ME1: variants seen among roughly 807,000 people sequenced by gnomAD.
ME1 encodes malic enzyme 1.
Under a neutral mutation model 66.4 loss-of-function variants are expected in ME1, and 74 were observed. That is an observed-to-expected ratio of 1.11 (90% CI 0.92 to 1.35). ME1 has a LOEUF of 1.35. Ranked by LOEUF, ME1 falls within the 40% of genes most tolerant of loss-of-function variation. ME1 has a pLI of 0.00. For synonymous variants in ME1, 251 were observed against 235.6 expected, an observed-to-expected ratio of 1.07 and a Z score of -0.60; for missense variants, 750 against 694.1, an observed-to-expected ratio of 1.08 and a Z score of -0.90.
chr6:83,237,594 G>A, intron 9 of ME1, 123 bp downstream of exon 9: 1 of 522,180 alleles, frequency 1.9e-6, no homozygotes. Flanking sequence ...ATGATCATTT[G>A]TATTTAATGG....
chr6:83,227,035 G>C (rs572653414), intron 11 of ME1, among the ~76,000 whole-genome samples: 90 of 152,048 alleles, frequency 5.9e-4, no homozygotes, highest in African/African-American at 2.0e-3. Flanking sequence ...TAAGCCTCTA[G>C]AACCAAGCTG....
At chr6:83,424,945 G>A (rs1770340424) in intron 1 of ME1, among the ~76,000 whole-genome samples, 1 of 152,074 alleles carries the variant, frequency 6.6e-6, no homozygotes, top group Non-Finnish European at 1.5e-5. Flanking sequence ...ATGCCTAATA[G>A]TACAATGGAA....
chr6:83,233,193 A>C (rs2128524691), intron 9 of ME1, among the ~76,000 whole-genome samples: 1 of 152,206 alleles, frequency 6.6e-6, no homozygotes. Context: ...TTCCCTTTTC[A>C]TTCTCTTTTC....
At chr6:83,243,084 C>T (rs941437379) in intron 7 of ME1, among the ~76,000 whole-genome samples, 2 of 150,854 alleles carry the variant, frequency 1.3e-5, no homozygotes, top group Non-Finnish European at 2.9e-5. Context: ...ATAGAGATAC[C>T]CATCTCTACC....
Position 83,315,411 on chromosome 6 carries a change from C to A in ME1, c.603G>T (p.Glu201Asp). 6.4e-7 allele frequency: 1 copy of A among 1,553,902 alleles called. No individual in the cohort carries two copies. The highest frequency in any genetic ancestry group is 8.8e-7 in the Non-Finnish European group (1 of 1,138,356). Reference protein sequence around the residue: ...VILDVGTENEELLKDPLYIGL... With the variant: ...VILDVGTENEDLLKDPLYIGL... ...CAATGTAGAGTGGATCTTTAAGTAA[C>A]TCCTATTAAAAAAAGTTACCATAAA... Residue 201 changes from glutamate to aspartate, a missense_variant and splice_region_variant, in exon 6 of 14, where the codon GAG becomes GAT. Glu to Asp is a conservative substitution (Grantham distance 45, BLOSUM62 2). Coordinates refer to ENST00000369705, the MANE Select transcript of ME1 (RefSeq NM_002395.6).
chr6:83,277,211 T>C (rs760367741), intron 6 of ME1, among the ~76,000 whole-genome samples: 12 of 152,250 alleles, frequency 7.9e-5, no homozygotes, highest in Non-Finnish European at 1.3e-4. Flanking sequence ...ATCCATTATA[T>C]TGTCTTTTAT....
At chr6:83,302,236 G>A (rs767441059) in intron 6 of ME1, among the ~76,000 whole-genome samples, 8 of 152,080 alleles carry the variant, frequency 5.3e-5, no homozygotes, top group Non-Finnish European at 7.4e-5. Context: ...TCACTTATAA[G>A]TGAAACCTAA....
intron 5 of ME1, among the ~76,000 whole-genome samples, chr6:83,330,256 T>A (rs1768378622): frequency 6.6e-6 from 1 of 152,216 alleles, no homozygotes; most frequent in Non-Finnish European, 1.5e-5. Context: ...GAAAATTATT[T>A]TCTTTGTTAC....
intron 5 of ME1, among the ~76,000 whole-genome samples, chr6:83,316,959 TAAAA>T (rs369750867): frequency 6.9e-6 from 1 of 145,294 alleles, no homozygotes; most frequent in Non-Finnish European, 1.5e-5. Context: ...AAAATAAAAA[TAAAA>T]AAAAAAGACC....
intron 6 of ME1, among the ~76,000 whole-genome samples, chr6:83,256,776 G>C (rs1420529197): frequency 3.3e-5 from 5 of 152,248 alleles, no homozygotes; most frequent in African/African-American, 1.2e-4. Context: ...CAATAGCAAA[G>C]ACTTGGGACC....
intron 1 of ME1, 38 bp from the exon 2 acceptor site, chr6:83,407,939 T>C (rs1583421871): frequency 1.3e-6 from 2 of 1,530,132 alleles, no homozygotes; most frequent in Non-Finnish European, 1.7e-6. Flanking sequence ...ACAACAGTAT[T>C]TGAGAGGAAA....
chr6:83,233,353 C>T (rs1790338283), intron 9 of ME1, among the ~76,000 whole-genome samples: 1 of 151,966 alleles, frequency 6.6e-6, no homozygotes, highest in Admixed American at 6.6e-5. Context: ...ATGTTTATTA[C>T]TATAAAGTAC....
chr6:83,231,678 T>C (rs1315196096), intron 9 of ME1, among the ~76,000 whole-genome samples: 2 of 152,236 alleles, frequency 1.3e-5, no homozygotes, highest in Non-Finnish European at 2.9e-5. Context: ...TACATATTCG[T>C]TATGCCAATA....
At chr6:83,380,158 A>G (rs1038751939) in intron 3 of ME1, among the ~76,000 whole-genome samples, 1 of 152,146 alleles carries the variant, frequency 6.6e-6, no homozygotes, top group South Asian at 2.1e-4. Context: ...ATCAGTCAGT[A>G]GATAGAAAAG....
chr6:83,369,371 G>T (rs1769153100), intron 3 of ME1, among the ~76,000 whole-genome samples: 1 of 151,990 alleles, frequency 6.6e-6, no homozygotes, highest in South Asian at 2.1e-4. Context: ...AGAGGGTTTT[G>T]GCCTAACAGA....
chr6:83,219,685 C>T (rs1377651431), intron 12 of ME1, among the ~76,000 whole-genome samples: 3 of 151,650 alleles, frequency 2.0e-5, no homozygotes, highest in African/African-American at 4.9e-5. Flanking sequence ...GTGATTCTGC[C>T]GCCTCAGACT....
chr6:83,371,060 G>T (rs1172853024), intron 3 of ME1, among the ~76,000 whole-genome samples: 2 of 152,098 alleles, frequency 1.3e-5, no homozygotes, highest in African/African-American at 4.8e-5. Context: ...AAGATCTCAT[G>T]TCCCAAATCT....
intron 3 of ME1, among the ~76,000 whole-genome samples, chr6:83,382,224 T>G (rs1583409922): frequency 6.6e-6 from 1 of 152,116 alleles, no homozygotes; most frequent in Non-Finnish European, 1.5e-5. Flanking sequence ...CACTTGAATA[T>G]TACCTGTAAA....
At chr6:83,237,607 A>C in intron 9 of ME1, 110 bp downstream of exon 9, 1 of 531,266 alleles carries the variant, frequency 1.9e-6, no homozygotes, top group Non-Finnish European at 3.3e-6. Context: ...TTTAATGGCT[A>C]CTCTTTTAAT....
Sources: gnomAD v4.1 joint callset for allele counts (sites outside exome capture counted in the v4.1 genomes callset) on GRCh38, gnomAD v4.1.1 for gene constraint, MANE v1.5 for transcripts, NCBI Gene and HGNC (gene_info 2026-07-23, HGNC 2026-07-21) for gene names.